The following ITPR3 variants were observed in gnomAD, a reference collection of about 807,000 sequenced individuals.
The protein encoded by ITPR3 is inositol 1,4,5-trisphosphate receptor type 3.
In ITPR3, 173 loss-of-function variants were observed where a neutral mutation model predicts 293.2. That is an observed-to-expected ratio of 0.59 (90% CI 0.52 to 0.67). The LOEUF (loss-of-function observed/expected upper bound fraction) is 0.67. Among genes scored for constraint, ITPR3 ranks in the 30% least tolerant of loss-of-function variants. ITPR3 has a pLI of 0.00. For synonymous variants in ITPR3, 1,295 were observed against 1,444.4 expected (o/e 0.90, Z 2.35); for missense variants, 2,796 against 3,592.1 (o/e 0.78, Z 5.66).
At chr6:33,627,870 G>A (rs562745680) in intron 1 of ITPR3, among the ~76,000 whole-genome samples, 1 of 152,334 alleles carries the variant, frequency 6.6e-6, no homozygotes, top group South Asian at 2.1e-4. Context: ...GGGATGAAGT[G>A]GAGAGGGGGT....
chr6:33,689,238 G>A lies in ITPR3; in HGVS notation c.6695G>A (p.Gly2232Asp). Residue 2232 changes from glycine to aspartate, a missense_variant and splice_region_variant, in exon 50 of 58, where the codon GGC becomes GAC. By Grantham distance (94) the Gly-to-Asp change is moderately conservative (BLOSUM62 -1). Transcript: ENST00000605930. ...FYPYMEGAST[G>D]VLDSPLISLL... is the part of the protein sequence containing the mutation. Reference sequence around the variant, plus strand: ...TGCTCACCCTGCCCCTGGCCCCCAGGCGTGCTGGACTCCCCTCTCATCTCA... The same window carrying A: ...TGCTCACCCTGCCCCTGGCCCCCAGACGTGCTGGACTCCCCTCTCATCTCA... 6.2e-7 allele frequency: 1 copy of A among 1,608,706 alleles called. No homozygotes were observed. Among genetic ancestry groups the A allele is most frequent in the South Asian group, 1.1e-5 (1 of 91,074 alleles).
rs1257246357 is a variant in ITPR3 at position 33,665,249 on chromosome 6, C to T, written c.1409+36C>T. On this transcript the variant is annotated intron_variant, in intron 13 of 57. Coordinates refer to ENST00000605930, the MANE Select transcript of ITPR3 (RefSeq NM_002224.4). ...GTGGCACAGGGGTTTTCTGAGTGAT[C>T]TTGCCCTCCCAGGGCCTGCATTTCA... 1.9e-6 allele frequency: 3 copies of T among 1,599,142 alleles called. No individual in the cohort carries two copies. The African/African-American group carries it at 4.0e-5, about 21-fold the overall frequency.
chr6:33,651,138 G>A (rs1352385952), intron 2 of ITPR3, among the ~76,000 whole-genome samples: 12 of 152,006 alleles, frequency 7.9e-5, no homozygotes, highest in South Asian at 2.1e-4. Context: ...TTAGCCGGGC[G>A]TGGTGGCACG....
chr6:33,682,483 G>A lies in ITPR3; in HGVS notation c.4477-41G>A. 1 of 1,479,906 alleles carries A rather than the reference G, an allele frequency of 6.8e-7. No homozygotes were observed. The allele number at this position is 1,479,906 out of a possible 1,614,324, so 91.7% of individuals were successfully genotyped here. ...CCTGGACCTGGGGTTGCCCAGGGTGGGGGCCTGGGCTGCAGCAGCGGGCTC... is the reference window on the plus strand; with the variant it reads ...CCTGGACCTGGGGTTGCCCAGGGTGAGGGCCTGGGCTGCAGCAGCGGGCTC... On this transcript the variant is annotated intron_variant, in intron 33 of 57. Coordinates refer to ENST00000605930, the MANE Select transcript of ITPR3 (RefSeq NM_002224.4). The surrounding 1 kb of genome is among the most constrained non-coding windows in gnomAD (Gnocchi z 5.4).
chr6:33,639,909 T>C (rs1763909654), intron 1 of ITPR3, among the ~76,000 whole-genome samples: 1 of 152,118 alleles, frequency 6.6e-6, no homozygotes, highest in Non-Finnish European at 1.5e-5. Context: ...AAATGAGGCC[T>C]GACTGAGACT....
In ITPR3 at chr6:33,662,541, G is replaced by A. The variant is rs1764499440; in HGVS notation, c.725G>A (p.Arg242Gln). 6.3e-7 allele frequency: 1 copy of A among 1,599,518 alleles called. No homozygotes were observed. Among genetic ancestry groups the A allele is most frequent in the Non-Finnish European group, 8.5e-7 (1 of 1,174,754 alleles). Residue 242 changes from arginine to glutamine, a missense_variant, in exon 8 of 58, where the codon CGG (arginine) becomes CAG (glutamine). This residue lies in a region of ITPR3 where 144 missense variants were observed against 230.8 expected (regional missense o/e 0.62). Transcript: ENST00000605930. ...TGCTGCCTGCAGGGAGACGTGGTGC[G>A]GCTGTTCCATGCGGAGCAGGAGAAG... ...EEVLKGGDVVRLFHAEQEKFL... is the reference protein window; with the variant it reads ...EEVLKGGDVVQLFHAEQEKFL...
chr6:33,662,443 C>G, intron 7 of ITPR3, 85 bp from the exon 8 acceptor site: 1 of 1,467,112 alleles, frequency 6.8e-7, no homozygotes, highest in African/African-American at 1.4e-5. Context: ...CCAACCCTGT[C>G]TGAGGCAGGT....
rs766196493 is a variant in ITPR3, at chr6:33,675,778, G to A, written c.3204G>A (p.Ala1068=). Residue 1068 remains alanine (A), a synonymous_variant, in exon 25 of 58, where the codon GCG becomes GCA. Coordinates refer to ENST00000605930, the MANE Select transcript of ITPR3 (RefSeq NM_002224.4). This position sits in a 1 kb window ranked among gnomAD's most constrained non-coding sequence, Gnocchi z 5.0. The part of the protein sequence containing the change: ...VLIHLTMHDY[A]PLVSGALQLL... ...TCCACCTCACCATGCACGACTATGC[G>A]CCGCTGGTCTCGGGTGCCCTGCAGC... 5 of 1,612,048 alleles carry A rather than the reference G, an allele frequency of 3.1e-6. No individual in the cohort carries two copies. Among genetic ancestry groups the A allele is most frequent in the South Asian group, 1.1e-5 (1 of 90,778 alleles).
rs141238136 is a variant in ITPR3, at chr6:33,655,857, C to A, written c.252C>A (p.Ile84=). Residue 84 remains isoleucine (I), a synonymous_variant, in exon 3 of 58, where the codon ATC becomes ATA. Coordinates refer to ENST00000605930, the MANE Select transcript of ITPR3 (RefSeq NM_002224.4). This position sits in a 1 kb window ranked among gnomAD's most constrained non-coding sequence, Gnocchi z 4.9. ...AKQTKQDKEK[I]ADVVLLQKLQ... Reference sequence around the variant, plus strand: ...AGACTAAGCAGGACAAGGAGAAGATCGCTGATGTGGTGTTGCTGCAGAAGC... The same window carrying A: ...AGACTAAGCAGGACAAGGAGAAGATAGCTGATGTGGTGTTGCTGCAGAAGC... The A allele has an allele frequency of 1.9e-6, 3 of 1,614,034 alleles. No homozygotes were observed. Among genetic ancestry groups the A allele is most frequent in the Non-Finnish European group, 2.5e-6 (3 of 1,180,008 alleles).
Position 33,691,945 on chromosome 6 carries a change from A to G in ITPR3, c.7458+17A>G, listed in dbSNP as rs376642716. On this transcript the variant is annotated intron_variant, in intron 54 of 57. Coordinates refer to ENST00000605930, the MANE Select transcript of ITPR3 (RefSeq NM_002224.4). The surrounding 1 kb of genome is among the most constrained non-coding windows in gnomAD (Gnocchi z 4.9). Reference sequence around the variant, plus strand: ...TCCAAAGATGTGAGCACTCCTGCCCACTCCCAAACCTGTGGGGCCCAAGCC... The same window carrying G: ...TCCAAAGATGTGAGCACTCCTGCCCGCTCCCAAACCTGTGGGGCCCAAGCC... 21 of 1,613,024 alleles carry G rather than the reference A, an allele frequency of 1.3e-5. No homozygotes were observed. The African/African-American group carries it at 1.3e-4, about 10-fold the overall frequency.
chr6:33,660,118 A>G (rs999729095), intron 7 of ITPR3, among the ~76,000 whole-genome samples: 5 of 152,192 alleles, frequency 3.3e-5, no homozygotes, highest in African/African-American at 1.2e-4. Flanking sequence ...AGACCATTCA[A>G]GAAACCCTGA....
intron 13 of ITPR3, among the ~76,000 whole-genome samples, chr6:33,665,459 T>C (rs1764585624): frequency 1.3e-5 from 2 of 152,202 alleles, no homozygotes; most frequent in Admixed American, 6.5e-5. Context: ...CCAGTTATGA[T>C]GGGTCTGAGG....
Position 33,658,366 on chromosome 6 carries a change from A to AG in ITPR3, c.370-302dup, listed in dbSNP as rs35197284. ...CCTTGGTTTCCCCATCTGTGAAATC[A>AG]GGCAGTAATAGTACTTCCCTCTTGG... On this transcript the variant is annotated intron_variant, in intron 4 of 57. Coordinates refer to ENST00000605930, the MANE Select transcript of ITPR3 (RefSeq NM_002224.4). The surrounding 1 kb of genome is among the most constrained non-coding windows in gnomAD (Gnocchi z 6.1). 0.061 allele frequency among the ~76,000 whole-genome samples: 9,271 copies of AG among 152,242 alleles called. 825 individuals carry two copies. The highest frequency in any genetic ancestry group is 0.2 in the African/African-American group (8,154 of 41,492).
Position 33,655,641 on chromosome 6 carries a change from C to T in ITPR3, c.161-125C>T, listed in dbSNP as rs1764287513. 27 of 1,276,358 alleles carry T rather than the reference C, an allele frequency of 2.1e-5. No homozygotes were observed. In the South Asian group the frequency reaches 3.8e-4, roughly 18 times the overall value. The allele number at this position is 1,276,358 out of a possible 1,614,324, so 79.1% of individuals were successfully genotyped here. A position where few individuals can be genotyped will look rare whatever the true frequency, so the allele number is the denominator to read the frequency against. ...GGTTCTTCCAACCGCTTCCTCTCTA[C>T]CTGCAGCGGGGAACGGGGGTGGGGA... On this transcript the variant is annotated intron_variant, in intron 2 of 57. Transcript: ENST00000605930. This position sits in a 1 kb window ranked among gnomAD's most constrained non-coding sequence, Gnocchi z 4.9.
In ITPR3 at chr6:33,670,868, C is replaced by T; in HGVS notation, c.2586+53C>T. On this transcript the variant is annotated intron_variant, in intron 20 of 57. Coordinates refer to ENST00000605930, the MANE Select transcript of ITPR3 (RefSeq NM_002224.4). This position sits in a 1 kb window ranked among gnomAD's most constrained non-coding sequence, Gnocchi z 6.7. ...GGGTCCGTGGAGCTCTTGTTGGCCC[C>T]ACACTGGCCTCGGTCTTCACCCAGG... 2.5e-6 allele frequency: 4 copies of T among 1,592,526 alleles called. No homozygotes were observed. The highest frequency in any genetic ancestry group is 2.2e-5 in the East Asian group (1 of 44,720).
chr6:33,670,842 G>A lies in ITPR3; in HGVS notation c.2586+27G>A. The A allele has an allele frequency of 6.2e-7, 1 of 1,608,740 alleles. No individual in the cohort carries two copies. Among genetic ancestry groups the A allele is most frequent in the Non-Finnish European group, 8.5e-7 (1 of 1,178,520 alleles). ...TGGCTGGGGGAGTGCCCAGGGGCTG[G>A]GGGTCCGTGGAGCTCTTGTTGGCCC... On this transcript the variant is annotated intron_variant, in intron 20 of 57. Coordinates refer to ENST00000605930, the MANE Select transcript of ITPR3 (RefSeq NM_002224.4). This position sits in a 1 kb window ranked among gnomAD's most constrained non-coding sequence, Gnocchi z 6.7.
At chr6:33,668,443 A>G (rs1053432739) in intron 16 of ITPR3, 72 bp from the exon 17 acceptor site, 9 of 1,593,676 alleles carry the variant, frequency 5.6e-6, no homozygotes, top group Middle Eastern at 1.7e-4. Flanking sequence ...GGGGAAGGGG[A>G]AGGGTGGGCT....
rs774632774 is a variant in ITPR3, at chr6:33,686,142, G to A, written c.5757G>A (p.Thr1919=). The A allele has an allele frequency of 5.9e-5, 96 of 1,614,066 alleles. No homozygotes were observed. Among genetic ancestry groups the A allele is most frequent in the Non-Finnish European group, 7.5e-5 (89 of 1,180,044 alleles). ...QFLDIMCGST[T]GGLGLLGLYI... The stretch of plus-strand genomic sequence containing the variant: ...TGGACATCATGTGCGGCAGCACCAC[G>A]GGCGGCCTGGGGCTGCTGGGGCTCT... Residue 1919 remains threonine, a synonymous_variant, in exon 42 of 58, where the codon ACG becomes ACA. Transcript: ENST00000605930.
chr6:33,656,394 A>G (rs1486586111), intron 3 of ITPR3, among the ~76,000 whole-genome samples: 1 of 152,204 alleles, frequency 6.6e-6, no homozygotes, highest in Non-Finnish European at 1.5e-5. Flanking sequence ...TGGAGTTCCC[A>G]GTGGCTCCTG....
Sources: gnomAD v4.1 joint callset for allele counts (sites outside exome capture counted in the v4.1 genomes callset) on GRCh38, gnomAD v4.1.1 for gene constraint, gnomAD v4.1.1 regional missense constraint, Gnocchi (gnomAD v3.1) non-coding constraint, MANE v1.5 for transcripts, NCBI Gene and HGNC (gene_info 2026-07-23, HGNC 2026-07-21) for gene names.